The following SLIT3 variants were observed in gnomAD, a reference collection of about 807,000 sequenced individuals.
SLIT3 encodes the protein slit homolog 3 protein.
In SLIT3, 68 loss-of-function variants were observed where a neutral mutation model predicts 184.0. The observed-to-expected ratio is 0.37, with a 90% CI of 0.30 to 0.45. The LOEUF is 0.45. Ranked by LOEUF, SLIT3 falls within the 20% of genes least tolerant of loss-of-function variation. The pLI is 1.00. For synonymous variants in SLIT3, 831 were observed against 828.6 expected (o/e 1.00, Z -0.05); for missense variants, 1,707 against 2,026.0 (o/e 0.84, Z 3.02).
chr5:169,083,480 T>C (rs115109894), intron 4 of SLIT3, among the ~76,000 whole-genome samples: 2 of 152,330 alleles, frequency 1.3e-5, no homozygotes, highest in South Asian at 2.1e-4. Context: ...TGTTGAGGGC[T>C]ATCAGCACGC....
At chr5:169,268,194 G>A (rs917412596) in intron 1 of SLIT3, among the ~76,000 whole-genome samples, 1 of 151,936 alleles carries the variant, frequency 6.6e-6, no homozygotes, top group African/African-American at 2.4e-5. Context: ...ACAGAATAAC[G>A]TTAAGGTCTG....
At chr5:168,795,726 T>G in intron 9 of SLIT3, 148 bp from the exon 10 acceptor site, 1 of 669,108 alleles carries the variant, frequency 1.5e-6, no homozygotes. Flanking sequence ...GACAAAACAC[T>G]GCAGCAGTCA....
In SLIT3 at chr5:169,011,148, C is replaced by T. The variant is rs144932779; in HGVS notation, c.414-127812G>A. Among the ~76,000 whole-genome samples, 838 of 152,202 alleles carry T rather than the reference C, an allele frequency of 5.5e-3. 11 individuals are homozygous for T. Among genetic ancestry groups the T allele is most frequent in the African/African-American group, 0.02 (811 of 41,538 alleles). ...CTCCAGTCCAGCTCTGCTCCTGGAC[C>T]CTGAATTGCTTCTGAGTCCCAGCCT... On this transcript the variant is annotated intron_variant, in intron 4 of 35. Transcript: ENST00000519560.
At chr5:168,772,991 T>C (rs1755611467) in intron 13 of SLIT3, 47 bp from the exon 14 acceptor site, 3 of 1,536,454 alleles carry the variant, frequency 2.0e-6, no homozygotes, top group Non-Finnish European at 2.6e-6. Context: ...CACGGCGTCT[T>C]GCTCCACCAC....
intron 32 of SLIT3, 47 bp from the exon 33 acceptor site, chr5:168,673,378 T>G: frequency 6.3e-7 from 1 of 1,582,300 alleles, no homozygotes; most frequent in Non-Finnish European, 8.7e-7. Flanking sequence ...ACTAAGGGCC[T>G]TCCATGGCTG....
chr5:169,039,391 A>G (rs1353641810), intron 4 of SLIT3, among the ~76,000 whole-genome samples: 3 of 145,084 alleles, frequency 2.1e-5, no homozygotes, highest in African/African-American at 7.7e-5. Context: ...ATCTCAGCTC[A>G]CTGCAAGCTC....
intron 3 of SLIT3, among the ~76,000 whole-genome samples, chr5:169,221,927 T>C (rs560848248): frequency 6.6e-6 from 1 of 152,218 alleles, no homozygotes; most frequent in Non-Finnish European, 1.5e-5. Flanking sequence ...CTTTACATCT[T>C]AATGACACCG....
chr5:169,167,528 G>A (rs759199221), intron 4 of SLIT3, among the ~76,000 whole-genome samples: 26 of 151,694 alleles, frequency 1.7e-4, no homozygotes, highest in Non-Finnish European at 3.1e-4. Context: ...CGCTTACATC[G>A]GCCTCCCAAA....
intron 7 of SLIT3, among the ~76,000 whole-genome samples, chr5:168,818,232 T>C (rs886287507): frequency 1.1e-4 from 16 of 152,198 alleles, no homozygotes; most frequent in African/African-American, 3.9e-4. Context: ...AAATATTTTC[T>C]AACCAGTTCT....
chr5:168,878,501 T>C lies in SLIT3; in HGVS notation c.485+4764A>G, dbSNP rs374816947. Reference sequence around the variant, plus strand: ...GCTCTGTAGCAGCTTCTGGTCACTTTATTGTTCCTGTTTGCAGGCATGGCT... The same window carrying C: ...GCTCTGTAGCAGCTTCTGGTCACTTCATTGTTCCTGTTTGCAGGCATGGCT... On this transcript the variant is annotated intron_variant, in intron 5 of 35. Coordinates refer to ENST00000519560, the MANE Select transcript of SLIT3 (RefSeq NM_003062.4). Among the ~76,000 whole-genome samples the C allele has an allele frequency of 9.8e-5, 15 of 152,294 alleles. No homozygotes were observed. The East Asian group carries it at 2.5e-3, about 26-fold the overall frequency.
intron 5 of SLIT3, among the ~76,000 whole-genome samples, chr5:168,858,531 T>C (rs566778127): frequency 1.3e-5 from 2 of 152,368 alleles, no homozygotes; most frequent in South Asian, 4.1e-4. Context: ...TTCTCAGCCA[T>C]CCAAATGCCA....
intron 4 of SLIT3, among the ~76,000 whole-genome samples, chr5:169,117,905 G>A (rs1019209954): frequency 2.6e-5 from 4 of 152,326 alleles, no homozygotes; most frequent in African/African-American, 7.2e-5. Flanking sequence ...TCCTAAGCAC[G>A]AACTAGCATA....
At chr5:169,250,188 G>T (rs1765724836) in intron 2 of SLIT3, among the ~76,000 whole-genome samples, 1 of 152,056 alleles carries the variant, frequency 6.6e-6, no homozygotes, top group African/African-American at 2.4e-5. Flanking sequence ...CTACAAATAG[G>T]GGCTCATAAT....
chr5:168,793,667 C>G (rs1756464533), intron 10 of SLIT3, among the ~76,000 whole-genome samples: 1 of 152,084 alleles, frequency 6.6e-6, no homozygotes, highest in Non-Finnish European at 1.5e-5. Context: ...TTTAAATTAC[C>G]TGGACTTCAC....
chr5:168,877,990 CT>C (rs1759798910), intron 5 of SLIT3, among the ~76,000 whole-genome samples: 1 of 152,072 alleles, frequency 6.6e-6, no homozygotes, highest in Admixed American at 6.5e-5. Flanking sequence ...TCCGTGATTT[CT>C]TTTTCTTTCC....
At chr5:169,225,356 G>T (rs898495654) in intron 3 of SLIT3, among the ~76,000 whole-genome samples, 8 of 152,362 alleles carry the variant, frequency 5.3e-5, no homozygotes, top group African/African-American at 1.7e-4. Flanking sequence ...AAGGACAATG[G>T]CAGGGGCAAC....
rs568396773 is a variant in SLIT3 at position 169,062,011 on chromosome 5, C to T, written c.413+131468G>A. ...CATCCTGGCTAACATGGTGAAACCC[C>T]GTCTCTACTAAAAACACAAAAAATT... On this transcript the variant is annotated intron_variant, in intron 4 of 35. Transcript: ENST00000519560. 7.2e-5 allele frequency among the ~76,000 whole-genome samples: 11 copies of T among 152,092 alleles called. No individual in the cohort carries two copies. The East Asian group carries it at 1.7e-3, about 24-fold the overall frequency.
At chr5:168,861,370 T>C (rs1429562250) in intron 5 of SLIT3, among the ~76,000 whole-genome samples, 2 of 151,828 alleles carry the variant, frequency 1.3e-5, no homozygotes, top group African/African-American at 4.8e-5. Context: ...TAGAGCAACC[T>C]GAATTCCATG....
Position 168,901,539 on chromosome 5 carries a change from A to G in SLIT3, c.414-18203T>C, listed in dbSNP as rs148338444. ...GATTAGGGAAGAGGACCAACACCCC[A>G]ACTATTACTGATCCTATTAAAAAGG... On this transcript the variant is annotated intron_variant, in intron 4 of 35. Transcript: ENST00000519560. 8.9e-4 allele frequency among the ~76,000 whole-genome samples: 135 copies of G among 152,314 alleles called. 1 individual carries two copies. The highest frequency in any genetic ancestry group is 3.0e-3 in the African/African-American group (123 of 41,574).
Sources: allele counts gnomAD v4.1 joint callset (sites outside exome capture counted in the v4.1 genomes callset), GRCh38; gene constraint gnomAD v4.1.1; transcripts MANE v1.5; gene names NCBI Gene and HGNC (gene_info 2026-07-23, HGNC 2026-07-21).